PCDHGA7: variants seen among roughly 807,000 people sequenced by gnomAD.
The protein encoded by PCDHGA7 is protocadherin gamma-A7.
Under a neutral mutation model 58.3 loss-of-function variants are expected in PCDHGA7, and 44 were observed. That is an observed-to-expected ratio of 0.75 (90% confidence interval 0.59 to 0.97). The LOEUF (loss-of-function observed/expected upper bound fraction) is 0.97. Among genes scored for constraint, PCDHGA7 ranks in the 50% least tolerant of loss-of-function variants. The probability of loss-of-function intolerance (pLI) is 0.00; values close to 1 mark genes in which losing one functional copy is unlikely to be tolerated. For synonymous variants in PCDHGA7, 516 were observed against 504.2 expected, an observed-to-expected ratio of 1.02 and a Z score of -0.31; for missense variants, 1,266 against 1,188.7, an observed-to-expected ratio of 1.06 and a Z score of -0.96.
chr5:141,481,167 A>C (rs77180710), intron 1 of PCDHGA7, among the ~76,000 whole-genome samples: 2,577 of 152,328 alleles, frequency 0.017, 78 homozygotes, highest in African/African-American at 0.059. Flanking sequence ...GCAGAACCAG[A>C]ATCCAGCTTT....
chr5:141,433,307 C>A, intron 1 of PCDHGA7: 1 of 913,756 alleles, frequency 1.1e-6, no homozygotes, highest in Non-Finnish European at 1.6e-6. Flanking sequence ...AATTATCCCA[C>A]CTTTGCCTCC....
At chr5:141,463,784 T>G (rs2099069378) in intron 1 of PCDHGA7, among the ~76,000 whole-genome samples, 1 of 152,194 alleles carries the variant, frequency 6.6e-6, no homozygotes, top group South Asian at 2.1e-4. Context: ...CTGCACTGTC[T>G]TTTGAACAAA....
At chr5:141,403,652 G>C in intron 1 of PCDHGA7, 1 of 1,613,908 alleles carries the variant, frequency 6.2e-7, no homozygotes, top group South Asian at 1.1e-5. Context: ...GACAGTGTTG[G>C]ATACAAATGA....
At chr5:141,470,628 G>T (rs1475199767) in intron 1 of PCDHGA7, among the ~76,000 whole-genome samples, 12 of 152,146 alleles carry the variant, frequency 7.9e-5, no homozygotes, top group Admixed American at 7.9e-4. Flanking sequence ...GCTTAGATAG[G>T]CCCCCTTGCT....
chr5:141,400,783 T>G (rs2094075214), intron 1 of PCDHGA7: 1 of 566,968 alleles, frequency 1.8e-6, no homozygotes, highest in African/African-American at 1.9e-5. Flanking sequence ...TGCGTTTTTT[T>G]GTCCTCTTTC....
chr5:141,393,052 G>A, intron 1 of PCDHGA7: 1 of 1,613,612 alleles, frequency 6.2e-7, no homozygotes, highest in Non-Finnish European at 8.5e-7. Flanking sequence ...CTGAACCCGC[G>A]CAGCGGCAGC....
In PCDHGA7 at chr5:141,490,706, T is replaced by C. The variant is rs777636562; in HGVS notation, c.2425-4101T>C. On this transcript the variant is annotated intron_variant, in intron 1 of 3. Coordinates refer to ENST00000518325, the MANE Select transcript of PCDHGA7 (RefSeq NM_018920.4). This position sits in a 1 kb window ranked among gnomAD's most constrained non-coding sequence, Gnocchi z 5.4. ...CCAGACACTGGGGATAATGCCCGCC[T>C]CACCTACTCCATTGTAGGAAATCAG... is the stretch of plus-strand genomic sequence containing the variant. The C allele has an allele frequency of 6.2e-7, 1 of 1,614,074 alleles. No homozygotes were observed. Among genetic ancestry groups the C allele is most frequent in the African/African-American group, 1.3e-5 (1 of 74,948 alleles).
intron 1 of PCDHGA7, chr5:141,420,084 A>G (rs1454284559): frequency 2.5e-6 from 4 of 1,613,890 alleles, no homozygotes; most frequent in African/African-American, 1.3e-5. Context: ...GGTCCCCCCA[A>G]CTACAGTGAG....
intron 1 of PCDHGA7, among the ~76,000 whole-genome samples, chr5:141,492,685 C>T (rs919981996): frequency 1.3e-5 from 2 of 152,242 alleles, no homozygotes; most frequent in African/African-American, 2.4e-5. Context: ...CAAGGGTCGG[C>T]GACCCCTCAA....
intron 1 of PCDHGA7, chr5:141,390,389 G>C: frequency 7.1e-7 from 1 of 1,405,538 alleles, no homozygotes; most frequent in Non-Finnish European, 9.7e-7. Context: ...AGATGTCATG[G>C]ATCATTTTAG....
intron 1 of PCDHGA7, chr5:141,415,949 C>T (rs369226000): frequency 6.5e-4 from 320 of 496,036 alleles, no homozygotes; most frequent in African/African-American, 5.9e-3. Context: ...TGGGTGGTCA[C>T]ATATTGAAAC....
intron 1 of PCDHGA7, among the ~76,000 whole-genome samples, chr5:141,457,293 T>A (rs2098916185): frequency 6.6e-6 from 1 of 152,226 alleles, no homozygotes; most frequent in Admixed American, 6.5e-5. Context: ...TTCCTTGGTT[T>A]TATTTTCCCA....
chr5:141,389,142 G>T (rs72790030), intron 1 of PCDHGA7: 5 of 1,613,968 alleles, frequency 3.1e-6, no homozygotes, highest in Non-Finnish European at 4.2e-6. Flanking sequence ...CAATATAACC[G>T]TTACGGCAAC....
At chr5:141,501,510 T>A (rs11744379) in intron 2 of PCDHGA7, among the ~76,000 whole-genome samples, 1 of 151,824 alleles carries the variant, frequency 6.6e-6, no homozygotes, top group African/African-American at 2.4e-5. Flanking sequence ...CTCCAAGGCC[T>A]CCAAGCTGAA....
chr5:141,414,243 A>G (rs2154544977), intron 1 of PCDHGA7: 1 of 1,613,556 alleles, frequency 6.2e-7, no homozygotes. Context: ...TCACGTCTCT[A>G]TTTAGTCCAG....
At chr5:141,413,924 A>T in intron 1 of PCDHGA7, 1 of 1,613,408 alleles carries the variant, frequency 6.2e-7, no homozygotes, top group Non-Finnish European at 8.5e-7. Context: ...ACCTTGCCAG[A>T]ATACCGAGTG....
chr5:141,472,795 G>A (rs939788734), intron 1 of PCDHGA7, among the ~76,000 whole-genome samples: 1 of 151,794 alleles, frequency 6.6e-6, no homozygotes, highest in Non-Finnish European at 1.5e-5. Flanking sequence ...AGATCAGCCT[G>A]ACCAACATGG....
intron 1 of PCDHGA7, among the ~76,000 whole-genome samples, chr5:141,387,513 TA>T (rs1226986342): frequency 5.3e-5 from 8 of 152,366 alleles, no homozygotes; most frequent in East Asian, 3.9e-4. Flanking sequence ...TAGACGTCAT[TA>T]AATATACAGA....
intron 1 of PCDHGA7, chr5:141,411,189 T>G (rs1222862554): frequency 6.6e-6 from 1 of 152,208 alleles, no homozygotes; most frequent in Non-Finnish European, 1.5e-5. Context: ...TCTTGGCATC[T>G]AAGAAAACAA....
Sources: allele counts gnomAD v4.1 joint callset (sites outside exome capture counted in the v4.1 genomes callset), GRCh38; gene constraint gnomAD v4.1.1; non-coding constraint Gnocchi (gnomAD v3.1); transcripts MANE v1.5; gene names NCBI Gene and HGNC (gene_info 2026-07-23, HGNC 2026-07-21).